Variants in CSMD1 observed in about 807,000 individuals in gnomAD.
CSMD1 encodes CUB and sushi domain-containing protein 1.
A neutral mutation model predicts 417.5 loss-of-function variants in CSMD1; 213 were observed. That is an observed-to-expected ratio of 0.51 (90% CI 0.46 to 0.57). CSMD1 has a LOEUF of 0.57. CSMD1 is among the 20% of genes least tolerant of loss of function. The probability of loss-of-function intolerance (pLI) is 0.00; values close to 1 mark genes in which losing one functional copy is unlikely to be tolerated. For synonymous variants in CSMD1, 2,862 were observed against 1,736.8 expected (o/e 1.65, Z -16.11); for missense variants, 6,923 against 4,529.7 (o/e 1.53, Z -15.17).
At chr8:4,643,246 C>T (rs1585380662) in intron 1 of CSMD1, among the ~76,000 whole-genome samples, 1 of 152,310 alleles carries the variant, frequency 6.6e-6, no homozygotes, top group Non-Finnish European at 1.5e-5. Context: ...ATAAACCTTA[C>T]ATATTTATTA....
chr8:4,257,521 C>G (rs1187383786), intron 3 of CSMD1, among the ~76,000 whole-genome samples: 1 of 152,018 alleles, frequency 6.6e-6, no homozygotes, highest in Non-Finnish European at 1.5e-5. Flanking sequence ...TTTTTCAATA[C>G]AGTTTTGAAT....
chr8:4,189,220 C>G (rs1259716109), intron 3 of CSMD1, among the ~76,000 whole-genome samples: 3 of 152,158 alleles, frequency 2.0e-5, no homozygotes, highest in African/African-American at 7.2e-5. Flanking sequence ...TGTTTATGCC[C>G]CAGGACCCAT....
Position 4,204,646 on chromosome 8 carries a change from T to G in CSMD1, c.416-172547A>C, listed in dbSNP as rs577566013. On this transcript the variant is annotated intron_variant, in intron 3 of 69. Transcript: ENST00000635120. ...AGTAGGCAACAAGCCTAAATTATTTTATAAAAATTATTATTAGTAGTATTT... is the reference window on the plus strand; with the variant it reads ...AGTAGGCAACAAGCCTAAATTATTTGATAAAAATTATTATTAGTAGTATTT... 2.0e-5 allele frequency among the ~76,000 whole-genome samples: 3 copies of G among 152,276 alleles called. No individual in the cohort carries two copies. The East Asian group carries it at 5.8e-4, about 29-fold the overall frequency.
chr8:4,437,917 G>C (rs912072944), intron 2 of CSMD1, among the ~76,000 whole-genome samples: 10 of 152,098 alleles, frequency 6.6e-5, no homozygotes, highest in African/African-American at 1.9e-4. Flanking sequence ...CTCAGGCTTG[G>C]ACATCAACCT....
At chr8:4,120,646 G>A (rs116655846) in intron 3 of CSMD1, among the ~76,000 whole-genome samples, 1 of 152,198 alleles carries the variant, frequency 6.6e-6, no homozygotes, top group East Asian at 1.9e-4. Context: ...GCCTTCTCTA[G>A]TCAGTAACTT....
chr8:3,895,510 G>A (rs933831890), intron 5 of CSMD1, among the ~76,000 whole-genome samples: 1 of 152,020 alleles, frequency 6.6e-6, no homozygotes, highest in Non-Finnish European at 1.5e-5. Flanking sequence ...CAATTTAAGT[G>A]TATCTATCCT....
At chr8:3,751,563 C>G (rs191456615) in intron 6 of CSMD1, among the ~76,000 whole-genome samples, 1 of 150,334 alleles carries the variant, frequency 6.7e-6, no homozygotes, top group African/African-American at 2.4e-5. Context: ...AACGTACGTA[C>G]AGTTTAATTC....
chr8:3,078,766 T>C (rs1380268009), intron 49 of CSMD1, among the ~76,000 whole-genome samples: 1 of 152,146 alleles, frequency 6.6e-6, no homozygotes, highest in Non-Finnish European at 1.5e-5. Context: ...GGGAAGTATG[T>C]TACCAGCTTA....
intron 3 of CSMD1, among the ~76,000 whole-genome samples, chr8:4,157,300 G>C (rs750874872): frequency 6.6e-6 from 1 of 152,070 alleles, no homozygotes; most frequent in Non-Finnish European, 1.5e-5. Flanking sequence ...TGCAGAGCTG[G>C]GTCACTGCAC....
chr8:4,157,541 G>C (rs188670978), intron 3 of CSMD1, among the ~76,000 whole-genome samples: 3 of 152,108 alleles, frequency 2.0e-5, no homozygotes, highest in Admixed American at 6.5e-5. Context: ...GCTACCTCTA[G>C]TCAATGACTG....
At chr8:3,836,882 A>G (rs1802744870) in intron 5 of CSMD1, among the ~76,000 whole-genome samples, 2 of 152,262 alleles carry the variant, frequency 1.3e-5, no homozygotes, top group East Asian at 1.9e-4. Context: ...TGACTAAAGC[A>G]GTTCTTTAAC....
At chr8:3,667,307 G>C (rs753947346) in intron 7 of CSMD1, among the ~76,000 whole-genome samples, 2 of 152,070 alleles carry the variant, frequency 1.3e-5, no homozygotes, top group African/African-American at 2.4e-5. Context: ...AATAAGGAAA[G>C]ATAAAAAGAG....
chr8:4,768,666 G>T (rs1034899358), intron 1 of CSMD1, among the ~76,000 whole-genome samples: 1 of 152,132 alleles, frequency 6.6e-6, no homozygotes, highest in Non-Finnish European at 1.5e-5. Flanking sequence ...ATCACAGATG[G>T]GAGGGAAAGG....
intron 5 of CSMD1, among the ~76,000 whole-genome samples, chr8:3,851,263 G>C (rs1051837379): frequency 6.6e-6 from 1 of 152,154 alleles, no homozygotes; most frequent in African/African-American, 2.4e-5. Context: ...GTGCATATCA[G>C]GGCAACACAA....
intron 3 of CSMD1, among the ~76,000 whole-genome samples, chr8:4,168,142 A>T (rs867634716): frequency 0.014 from 173 of 12,298 alleles, no homozygotes; most frequent in Middle Eastern, 0.083. Context: ...AATAAAAAAA[A>T]ATATACACAC....
intron 4 of CSMD1, among the ~76,000 whole-genome samples, chr8:4,006,654 G>C (rs549644265): frequency 2.2e-4 from 34 of 152,262 alleles, no homozygotes; most frequent in Admixed American, 1.0e-3. Flanking sequence ...AACAGCACTT[G>C]TTTATGTCCT....
intron 3 of CSMD1, among the ~76,000 whole-genome samples, chr8:4,083,413 C>G (rs1353607472): frequency 1.3e-5 from 2 of 152,000 alleles, no homozygotes; most frequent in South Asian, 2.1e-4. Flanking sequence ...TAAATGTCTT[C>G]CGCATCACGC....
At chr8:4,743,036 G>A (rs1022453690) in intron 1 of CSMD1, among the ~76,000 whole-genome samples, 1 of 152,110 alleles carries the variant, frequency 6.6e-6, no homozygotes, top group African/African-American at 2.4e-5. Context: ...TATTTTCTAA[G>A]TGTTTTTGTT....
intron 3 of CSMD1, among the ~76,000 whole-genome samples, chr8:4,302,915 AT>A (rs199717505): frequency 9.3e-5 from 14 of 150,138 alleles, no homozygotes; most frequent in African/African-American, 2.4e-4. Flanking sequence ...CAAAAGACAG[AT>A]TTTTTTTTTC....
Sources: allele counts gnomAD v4.1 joint callset (sites outside exome capture counted in the v4.1 genomes callset), GRCh38; gene constraint gnomAD v4.1.1; transcripts MANE v1.5; gene names NCBI Gene and HGNC (gene_info 2026-07-23, HGNC 2026-07-21).